Variants in R3HDM1 observed in about 807,000 individuals in gnomAD.
The protein encoded by R3HDM1 is R3H domain containing 1.
In R3HDM1, 46 loss-of-function variants were observed where a neutral mutation model predicts 141.1. The ratio of observed to expected loss-of-function variants is 0.33; its 90% confidence interval spans 0.26 to 0.42. The LOEUF is 0.42. R3HDM1 is among the 10% of genes least tolerant of loss of function. The pLI, the probability that R3HDM1 is intolerant of heterozygous loss-of-function variation, is 1.00. For synonymous variants in R3HDM1, 435 were observed against 472.9 expected (o/e 0.92, Z 1.04); for missense variants, 1,184 against 1,368.3 (o/e 0.87, Z 2.12).
chr2:135,622,411 G>C lies in R3HDM1; in HGVS notation c.419-243G>C, dbSNP rs931237925. 24 of 984,210 alleles carry C rather than the reference G, an allele frequency of 2.4e-5. No homozygotes were observed. The African/African-American group carries it at 4.0e-4, about 16-fold the overall frequency. The allele number at this position is 984,210 out of a possible 1,614,324, so 61.0% of individuals were successfully genotyped here. On this transcript the variant is annotated intron_variant, in intron 6 of 26. Transcript: ENST00000683871. ...GAGGAAATTAAACAGACACATGTGAGAGGTTAATTTTTTTTTAAGAATGTG... is the reference window on the plus strand; with the variant it reads ...GAGGAAATTAAACAGACACATGTGACAGGTTAATTTTTTTTTAAGAATGTG...
At chr2:135,596,499 G>A (rs1286485261) in intron 1 of R3HDM1, among the ~76,000 whole-genome samples, 1 of 152,044 alleles carries the variant, frequency 6.6e-6, no homozygotes, top group African/African-American at 2.4e-5. Flanking sequence ...TAATACAGAT[G>A]TGATTTGAAG....
rs1293586984 is a variant in R3HDM1, at chr2:135,616,214, T to G, written c.213+21T>G. The G allele has an allele frequency of 3.7e-6, 6 of 1,603,810 alleles. No homozygotes were observed. The East Asian group carries it at 1.3e-4, about 36-fold the overall frequency. On this transcript the variant is annotated intron_variant, in intron 4 of 26. Transcript: ENST00000683871. ...CTAAGGTATAGTAAATATTTTGGTG[T>G]GCTGGCATGCCAAGGGCCTTCCTTC...
chr2:135,687,776 A>G (rs1462955351), intron 21 of R3HDM1, among the ~76,000 whole-genome samples: 1 of 152,222 alleles, frequency 6.6e-6, no homozygotes, highest in Non-Finnish European at 1.5e-5. Flanking sequence ...TTTCAATGAC[A>G]CTACCTTTTT....
intron 21 of R3HDM1, among the ~76,000 whole-genome samples, chr2:135,691,886 A>C (rs1374788583): frequency 6.6e-6 from 1 of 152,132 alleles, no homozygotes; most frequent in Non-Finnish European, 1.5e-5. Flanking sequence ...ACTATACACC[A>C]ATATAATCAC....
intron 11 of R3HDM1, 108 bp downstream of exon 11, chr2:135,636,291 G>A (rs2105231647): frequency 6.9e-7 from 1 of 1,446,008 alleles, no homozygotes; most frequent in East Asian, 2.4e-5. Context: ...AATCACATTT[G>A]TTGCACATAA....
At chr2:135,540,188 T>C (rs1170444084) in intron 1 of R3HDM1, among the ~76,000 whole-genome samples, 1 of 152,200 alleles carries the variant, frequency 6.6e-6, no homozygotes, top group Non-Finnish European at 1.5e-5. Flanking sequence ...AATAATGATA[T>C]CATGAGCAGC....
intron 24 of R3HDM1, among the ~76,000 whole-genome samples, chr2:135,715,934 A>G (rs1344761027): frequency 6.6e-6 from 1 of 152,206 alleles, no homozygotes; most frequent in Non-Finnish European, 1.5e-5. Context: ...CATTAAAATC[A>G]CTTTAACTTA....
intron 2 of R3HDM1, among the ~76,000 whole-genome samples, chr2:135,604,329 T>A (rs992021354): frequency 1.3e-5 from 2 of 152,220 alleles, no homozygotes; most frequent in Non-Finnish European, 2.9e-5. Context: ...TTCTAATGTC[T>A]TCTAAATACA....
chr2:135,682,816 G>A (rs2070564778), intron 21 of R3HDM1, among the ~76,000 whole-genome samples: 1 of 151,758 alleles, frequency 6.6e-6, no homozygotes, highest in Non-Finnish European at 1.5e-5. Flanking sequence ...GGCCAACATG[G>A]TGAAACCTCA....
intron 18 of R3HDM1, among the ~76,000 whole-genome samples, chr2:135,660,193 G>A (rs996105333): frequency 6.6e-6 from 1 of 152,172 alleles, no homozygotes; most frequent in African/African-American, 2.4e-5. Context: ...GAAGTTATAT[G>A]TAGTTGAGTT....
At chr2:135,569,975 C>T (rs1703735172) in intron 1 of R3HDM1, among the ~76,000 whole-genome samples, 2 of 152,124 alleles carry the variant, frequency 1.3e-5, no homozygotes, top group Admixed American at 1.3e-4. Flanking sequence ...ATCTGTCCGC[C>T]TCGGCCTCCC....
At chr2:135,562,375 C>G (rs1701957788) in intron 1 of R3HDM1, among the ~76,000 whole-genome samples, 1 of 152,154 alleles carries the variant, frequency 6.6e-6, no homozygotes. Flanking sequence ...CATACTAATT[C>G]TATCAAAAAA....
intron 23 of R3HDM1, among the ~76,000 whole-genome samples, chr2:135,715,088 G>A (rs1168272062): frequency 6.6e-6 from 1 of 152,172 alleles, no homozygotes; most frequent in Non-Finnish European, 1.5e-5. Context: ...GATGGCTCAC[G>A]CCTGTAATTC....
At position 135,645,463 on chromosome 2, in the gene R3HDM1, G is replaced by A; in HGVS notation, c.1559G>A (p.Gly520Glu). Residue 520 changes from glycine (G) to glutamate (E), a missense_variant, in exon 16 of 27, where the codon GGA (glycine) becomes GAA (glutamate). Transcript: ENST00000683871. ...CAACCAGTTAGATCCCAAGTGCCTG[G>A]ACCTCCACAGCCACCTCTGCCAGCC... is the stretch of plus-strand genomic sequence containing the variant. ...TQQPVRSQVP[G>E]PPQPPLPAPP... is the part of the protein sequence containing the mutation. 1 of 1,613,812 alleles carries A rather than the reference G, an allele frequency of 6.2e-7. No homozygotes were observed.
chr2:135,671,345 T>TA (rs766078595), intron 19 of R3HDM1, among the ~76,000 whole-genome samples: 2 of 151,914 alleles, frequency 1.3e-5, no homozygotes, highest in Non-Finnish European at 2.9e-5. Context: ...AAACCAGTGT[T>TA]ACGTTAAAAT....
chr2:135,704,067 G>A (rs939485917), intron 21 of R3HDM1, among the ~76,000 whole-genome samples: 2 of 152,104 alleles, frequency 1.3e-5, no homozygotes, highest in Non-Finnish European at 2.9e-5. Context: ...TGCAACCTCC[G>A]CCTCCTAGGC....
chr2:135,721,498 T>C (rs1268549477), intron 24 of R3HDM1: 1 of 169,380 alleles, frequency 5.9e-6, no homozygotes, highest in Non-Finnish European at 1.3e-5. Context: ...ATGTCAGTTA[T>C]CTATACTTTT....
intron 19 of R3HDM1, among the ~76,000 whole-genome samples, chr2:135,671,877 G>A (rs958287065): frequency 6.6e-5 from 10 of 151,936 alleles, no homozygotes; most frequent in African/African-American, 2.4e-4. Context: ...TCGGCAGGCT[G>A]AGGTATGAGA....
chr2:135,626,021 A>T (rs1305697611), intron 7 of R3HDM1, among the ~76,000 whole-genome samples: 1 of 152,208 alleles, frequency 6.6e-6, no homozygotes, highest in Non-Finnish European at 1.5e-5. Context: ...TGAAGCTGGT[A>T]GTCAGAAGTT....
Sources: allele counts gnomAD v4.1 joint callset (sites outside exome capture counted in the v4.1 genomes callset), GRCh38; gene constraint gnomAD v4.1.1; transcripts MANE v1.5; gene names NCBI Gene and HGNC (gene_info 2026-07-23, HGNC 2026-07-21).